Variants in ADAMTSL1 observed in about 807,000 individuals in gnomAD.
ADAMTSL1 encodes ADAMTS-like protein 1.
Under a neutral mutation model 201.8 loss-of-function variants are expected in ADAMTSL1, and 126 were observed. That is an observed-to-expected ratio of 0.62 (90% CI 0.54 to 0.72). The LOEUF (loss-of-function observed/expected upper bound fraction) is 0.72. ADAMTSL1 is among the 30% of genes least tolerant of loss of function. The probability of loss-of-function intolerance (pLI) is 0.00; values close to 1 mark genes in which losing one functional copy is unlikely to be tolerated. For synonymous variants in ADAMTSL1, 1,121 were observed against 903.4 expected (o/e 1.24, Z -4.32); for missense variants, 2,679 against 2,277.8 (o/e 1.18, Z -3.59).
chr9:18,567,067 A>C (rs1469488149), intron 3 of ADAMTSL1, among the ~76,000 whole-genome samples: 1 of 152,170 alleles, frequency 6.6e-6, no homozygotes, highest in Non-Finnish European at 1.5e-5. Context: ...CCCCAGGTCT[A>C]CTGAATTAGA....
At chr9:18,181,034 G>T (rs1320046826) in intron 2 of ADAMTSL1, among the ~76,000 whole-genome samples, 4 of 152,124 alleles carry the variant, frequency 2.6e-5, no homozygotes, top group African/African-American at 9.7e-5. Flanking sequence ...AAGCAATGGG[G>T]AAAGGATTCC....
chr9:17,943,858 T>G (rs971935853), intron 1 of ADAMTSL1, among the ~76,000 whole-genome samples: 2 of 152,026 alleles, frequency 1.3e-5, no homozygotes, highest in African/African-American at 4.8e-5. Flanking sequence ...GGTTGGCTTC[T>G]GGGGAGGCCT....
At chr9:18,569,217 A>C (rs1822139060) in intron 3 of ADAMTSL1, among the ~76,000 whole-genome samples, 1 of 152,170 alleles carries the variant, frequency 6.6e-6, no homozygotes, top group African/African-American at 2.4e-5. Flanking sequence ...TTAACCAGAA[A>C]ATGTTTTGAA....
chr9:18,891,459 A>G (rs568617522), intron 25 of ADAMTSL1, among the ~76,000 whole-genome samples: 1 of 152,304 alleles, frequency 6.6e-6, no homozygotes, highest in South Asian at 2.1e-4. Context: ...GAATTACCAC[A>G]GGGTGCACAC....
chr9:18,236,667 C>A (rs1406046191), intron 2 of ADAMTSL1, among the ~76,000 whole-genome samples: 2 of 152,176 alleles, frequency 1.3e-5, no homozygotes, highest in African/African-American at 4.8e-5. Flanking sequence ...TCTATTGATA[C>A]AATCATGATT....
intron 5 of ADAMTSL1, among the ~76,000 whole-genome samples, chr9:18,628,071 C>G (rs1267063050): frequency 6.6e-6 from 1 of 152,088 alleles, no homozygotes; most frequent in Non-Finnish European, 1.5e-5. Context: ...TTAATGTTAT[C>G]TTTCACAGAG....
intron 16 of ADAMTSL1, among the ~76,000 whole-genome samples, chr9:18,762,669 T>A (rs4977419): frequency 0.21 from 31,631 of 151,774 alleles, 3,795 homozygotes; most frequent in East Asian, 0.46. Context: ...TAGTCTTTGG[T>A]AACCATCCTT....
At chr9:18,886,011 G>A (rs145814995) in intron 23 of ADAMTSL1, among the ~76,000 whole-genome samples, 4 of 151,672 alleles carry the variant, frequency 2.6e-5, no homozygotes, top group Admixed American at 6.6e-5. Context: ...GCTAGGCCAG[G>A]TGTGGTGGCT....
chr9:18,609,328 A>G (rs1391952773), intron 4 of ADAMTSL1, among the ~76,000 whole-genome samples: 2 of 151,276 alleles, frequency 1.3e-5, no homozygotes. Context: ...CAATTTCAGA[A>G]AAGTATTTTT....
At chr9:18,337,181 A>C (rs1048113280) in intron 2 of ADAMTSL1, among the ~76,000 whole-genome samples, 3 of 152,120 alleles carry the variant, frequency 2.0e-5, no homozygotes, top group African/African-American at 7.2e-5. Context: ...AAGCAGGCTG[A>C]AGAACGTGGA....
At chr9:18,366,615 C>T in intron 2 of ADAMTSL1, among the ~76,000 whole-genome samples, 1 of 136,084 alleles carries the variant, frequency 7.3e-6, no homozygotes, top group Admixed American at 7.5e-5. Context: ...GATAGTGCCT[C>T]TGAAATCACT....
chr9:17,959,088 A>G (rs1817614412), intron 1 of ADAMTSL1, among the ~76,000 whole-genome samples: 1 of 152,214 alleles, frequency 6.6e-6, no homozygotes, highest in African/African-American at 2.4e-5. Context: ...TTATTTGCCA[A>G]CATAAATTCT....
At chr9:17,983,741 T>C (rs1818815676) in intron 1 of ADAMTSL1, among the ~76,000 whole-genome samples, 2 of 152,202 alleles carry the variant, frequency 1.3e-5, no homozygotes, top group African/African-American at 4.8e-5. Context: ...AATATTTATG[T>C]CTAATTGATT....
At chr9:18,769,825 T>C (rs79944618) in intron 16 of ADAMTSL1, among the ~76,000 whole-genome samples, 2,362 of 152,316 alleles carry the variant, frequency 0.016, 48 homozygotes, top group African/African-American at 0.053. Context: ...AAATGTGGTA[T>C]GCCCAGTGAA....
chr9:18,083,168 C>T (rs1004622749), intron 1 of ADAMTSL1, among the ~76,000 whole-genome samples: 2 of 152,104 alleles, frequency 1.3e-5, no homozygotes, highest in African/African-American at 2.4e-5. Context: ...TTAAGTTTGG[C>T]TACTATTGAA....
chr9:18,420,283 C>T (rs552504370), intron 2 of ADAMTSL1, among the ~76,000 whole-genome samples: 1 of 152,156 alleles, frequency 6.6e-6, no homozygotes, highest in African/African-American at 2.4e-5. Flanking sequence ...TTACAGTTAT[C>T]CATATAGGAG....
At chr9:18,898,211 C>A (rs983194507) in intron 26 of ADAMTSL1, among the ~76,000 whole-genome samples, 2 of 152,096 alleles carry the variant, frequency 1.3e-5, no homozygotes, top group African/African-American at 4.8e-5. Flanking sequence ...TGGGTAATAA[C>A]AAACTTCGCT....
intron 1 of ADAMTSL1, among the ~76,000 whole-genome samples, chr9:17,932,916 C>G (rs938743024): frequency 1.3e-5 from 2 of 152,110 alleles, no homozygotes; most frequent in African/African-American, 4.8e-5. Context: ...GGACTCATTT[C>G]TTCAAGTGGT....
intron 3 of ADAMTSL1, among the ~76,000 whole-genome samples, chr9:18,536,692 G>C (rs904856836): frequency 4.6e-5 from 7 of 152,132 alleles, no homozygotes; most frequent in African/African-American, 1.7e-4. Flanking sequence ...GCAGCAAGGT[G>C]CTCCATCTCT....
Sources: gnomAD v4.1 joint callset for allele counts (sites outside exome capture counted in the v4.1 genomes callset) on GRCh38, gnomAD v4.1.1 for gene constraint, MANE v1.5 for transcripts, NCBI Gene and HGNC (gene_info 2026-07-23, HGNC 2026-07-21) for gene names.